The following DISC1 variants were observed in gnomAD, a reference collection of about 807,000 sequenced individuals.
The protein encoded by DISC1 is DISC1 scaffold protein.
DISC1 carries 57 observed loss-of-function variants against 84.5 expected under a neutral mutation model. The ratio of observed to expected loss-of-function variants is 0.67; its 90% CI spans 0.55 to 0.84. DISC1 has a LOEUF of 0.84. Ranked by LOEUF, DISC1 falls within the 40% of genes least tolerant of loss-of-function variation. DISC1 has a pLI of 0.00. For synonymous variants in DISC1, 411 were observed against 415.2 expected (o/e 0.99, Z 0.12); for missense variants, 1,000 against 1,057.8 (o/e 0.95, Z 0.76).
chr1:231,951,354 A>T (rs772378010), intron 9 of DISC1, among the ~76,000 whole-genome samples: 2 of 152,132 alleles, frequency 1.3e-5, no homozygotes, highest in Admixed American at 6.5e-5. Context: ...CCATCTAGTG[A>T]TCATAATGTA....
chr1:231,987,712 G>A (rs1328098230), intron 10 of DISC1, among the ~76,000 whole-genome samples: 1 of 152,112 alleles, frequency 6.6e-6, no homozygotes, highest in Non-Finnish European at 1.5e-5. Context: ...CTAGTTCTTT[G>A]GTATTAGCAA....
intron 6 of DISC1, among the ~76,000 whole-genome samples, chr1:231,794,602 C>G (rs1013272854): frequency 6.6e-6 from 1 of 152,132 alleles, no homozygotes; most frequent in African/African-American, 2.4e-5. Flanking sequence ...TCTTTAAGCA[C>G]TGGGGATGCA....
rs552139835 is a variant in DISC1, at chr1:231,698,115, G to A, written c.1047+3310G>A. On this transcript the variant is annotated intron_variant, in intron 2 of 12. Transcript: ENST00000439617. This position sits in a 1 kb window ranked among gnomAD's most constrained non-coding sequence, Gnocchi z 4.9. Reference sequence around the variant, plus strand: ...TGGATCAATAATACATATTAAATAAGATGTTTTTAAACAGAAACACACATA... The same window carrying A: ...TGGATCAATAATACATATTAAATAAAATGTTTTTAAACAGAAACACACATA... Among the ~76,000 whole-genome samples, 40 of 152,262 alleles carry A rather than the reference G, an allele frequency of 2.6e-4. 1 individual carries two copies. The highest frequency in any genetic ancestry group is 1.8e-3 in the Admixed American group (27 of 15,284).
chr1:231,732,445 A>G (rs2071645230), intron 3 of DISC1, among the ~76,000 whole-genome samples: 1 of 152,242 alleles, frequency 6.6e-6, no homozygotes, highest in Non-Finnish European at 1.5e-5. Context: ...ATTATCTTTC[A>G]TTTCTGAAAC....
At chr1:231,689,944 G>A (rs2064785554) in intron 1 of DISC1, among the ~76,000 whole-genome samples, 1 of 152,196 alleles carries the variant, frequency 6.6e-6, no homozygotes, top group African/African-American at 2.4e-5. Flanking sequence ...GAGCTGATGG[G>A]GGAGGGATTG....
intron 3 of DISC1, among the ~76,000 whole-genome samples, chr1:231,704,668 G>A (rs544299423): frequency 8.2e-4 from 123 of 149,804 alleles, no homozygotes; most frequent in African/African-American, 2.9e-3. Context: ...GCTGAGGCAG[G>A]AGAATGGCGT....
intron 8 of DISC1, among the ~76,000 whole-genome samples, chr1:231,808,616 T>C (rs1321458966): frequency 6.6e-6 from 1 of 152,272 alleles, no homozygotes; most frequent in Non-Finnish European, 1.5e-5. Context: ...ATTTACTGCG[T>C]GCCTTTCATA....
chr1:231,736,619 A>G (rs2072540997), intron 3 of DISC1, among the ~76,000 whole-genome samples: 2 of 152,250 alleles, frequency 1.3e-5, no homozygotes, highest in Non-Finnish European at 2.9e-5. Context: ...AGACTGGCTC[A>G]GCTGTGCTCA....
At chr1:231,935,389 T>G (rs928733715) in intron 9 of DISC1, among the ~76,000 whole-genome samples, 2 of 152,098 alleles carry the variant, frequency 1.3e-5, no homozygotes, top group African/African-American at 4.8e-5. Context: ...CTTCTCAAAA[T>G]TGAGAGACTG....
chr1:231,681,777 C>A (rs2063722463), intron 1 of DISC1, among the ~76,000 whole-genome samples: 1 of 152,034 alleles, frequency 6.6e-6, no homozygotes, highest in Non-Finnish European at 1.5e-5. Context: ...CTCACTGCAA[C>A]CTCCGCCTCC....
chr1:231,744,073 G>GA (rs1468017741), intron 3 of DISC1, among the ~76,000 whole-genome samples: 2 of 152,202 alleles, frequency 1.3e-5, no homozygotes, highest in South Asian at 2.1e-4. Context: ...TTAGACTTGA[G>GA]TCTTATCGAA....
intron 9 of DISC1, chr1:231,818,774 CTTG>C: frequency 1.5e-6 from 2 of 1,324,488 alleles, no homozygotes; most frequent in Non-Finnish European, 1.9e-6. Context: ...TGCTAATAGC[CTTG>C]TTATTATTTA....
At chr1:231,969,450 G>T (rs1270816776) in intron 10 of DISC1, among the ~76,000 whole-genome samples, 1 of 151,802 alleles carries the variant, frequency 6.6e-6, no homozygotes, top group East Asian at 1.9e-4. Flanking sequence ...TCAGGTGCTG[G>T]GGAGGATTTC....
chr1:231,850,416 A>G (rs2083807700), intron 9 of DISC1, among the ~76,000 whole-genome samples: 1 of 152,266 alleles, frequency 6.6e-6, no homozygotes, highest in Admixed American at 6.5e-5. Context: ...CTAGGGCCTG[A>G]GTTGCTTAAC....
chr1:231,726,562 C>T (rs200460524), intron 3 of DISC1, among the ~76,000 whole-genome samples: 22 of 152,178 alleles, frequency 1.4e-4, no homozygotes, highest in Non-Finnish European at 2.4e-4. Flanking sequence ...ACAGGGAAAG[C>T]CCCTCCTCAT....
intron 5 of DISC1, 150 bp downstream of exon 5, chr1:231,767,419 C>T: frequency 8.2e-7 from 1 of 1,225,840 alleles, no homozygotes; most frequent in Non-Finnish European, 1.1e-6. Flanking sequence ...ACCTCAGCCT[C>T]CCAAGTAGCT....
At chr1:231,686,645 G>A (rs1329085741) in intron 1 of DISC1, among the ~76,000 whole-genome samples, 1 of 152,210 alleles carries the variant, frequency 6.6e-6, no homozygotes, top group African/African-American at 2.4e-5. Flanking sequence ...ACATGCCGAG[G>A]AGATGTCTTC....
chr1:231,635,306 G>A (rs1359373893), intron 1 of DISC1, among the ~76,000 whole-genome samples: 3 of 151,276 alleles, frequency 2.0e-5, no homozygotes, highest in Non-Finnish European at 2.9e-5. Flanking sequence ...CACTTAAAAC[G>A]GACACTCTGG....
chr1:231,911,588 T>TC (rs2089211753), intron 9 of DISC1, among the ~76,000 whole-genome samples: 1 of 152,230 alleles, frequency 6.6e-6, no homozygotes, highest in African/African-American at 2.4e-5. Context: ...CTGACCTTTC[T>TC]CTCTGGCTGC....
Sources: allele counts gnomAD v4.1 joint callset (sites outside exome capture counted in the v4.1 genomes callset), GRCh38; gene constraint gnomAD v4.1.1; non-coding constraint Gnocchi (gnomAD v3.1); transcripts MANE v1.5; gene names NCBI Gene and HGNC (gene_info 2026-07-23, HGNC 2026-07-21).